Variants in PPM1B observed in about 807,000 individuals in gnomAD.
The protein encoded by PPM1B is protein phosphatase, Mg2+/Mn2+ dependent 1B, also known as protein phosphatase 1B.
In PPM1B, 22 loss-of-function variants were observed where a neutral mutation model predicts 43.0. The ratio of observed to expected loss-of-function variants is 0.51; its 90% CI spans 0.37 to 0.73. The LOEUF is 0.73. Among genes scored for constraint, PPM1B ranks in the 30% least tolerant of loss-of-function variants. The pLI is 0.00. For missense variants in PPM1B, 632 were observed against 584.2 expected (o/e 1.08, Z -0.84); for synonymous variants, 217 against 197.9 (o/e 1.10, Z -0.81).
downstream of PPM1B, among the ~76,000 whole-genome samples, chr2:44,245,760 C>T (rs1670843088): frequency 6.6e-6 from 1 of 152,136 alleles, no homozygotes; most frequent in Non-Finnish European, 1.5e-5. Flanking sequence ...AGAAACACTG[C>T]CTGTAACCAA....
chr2:44,240,440 C>G (rs777408339), intron 5 of PPM1B, among the ~76,000 whole-genome samples: 4 of 145,848 alleles, frequency 2.7e-5, no homozygotes, highest in Non-Finnish European at 4.6e-5. Flanking sequence ...AAATGGAAAA[C>G]TCTGTAATGA....
downstream of PPM1B, among the ~76,000 whole-genome samples, chr2:44,237,180 T>A (rs547366082): frequency 6.6e-6 from 1 of 152,370 alleles, no homozygotes; most frequent in African/African-American, 2.4e-5. Context: ...GTTTTTATGC[T>A]AAATTGCTTT....
chr2:44,178,635 A>T (rs1414732814), intron 1 of PPM1B, among the ~76,000 whole-genome samples: 1 of 151,454 alleles, frequency 6.6e-6, no homozygotes, highest in East Asian at 1.9e-4. Flanking sequence ...CACCCAGCTA[A>T]TTTTTTTGTA....
chr2:44,209,464 C>A (rs908511054), intron 3 of PPM1B, 137 bp downstream of exon 3: 2 of 948,430 alleles, frequency 2.1e-6, no homozygotes, highest in East Asian at 2.7e-5. Context: ...GGAAAGTATT[C>A]TTTTTGTTTA....
At chr2:44,223,655 A>T (rs1670075288) in intron 5 of PPM1B, among the ~76,000 whole-genome samples, 1 of 151,362 alleles carries the variant, frequency 6.6e-6, no homozygotes, top group Non-Finnish European at 1.5e-5. Context: ...TAAAAATACA[A>T]AAAAAACAAA....
chr2:44,229,365 A>G (rs1670368486), intron 5 of PPM1B, among the ~76,000 whole-genome samples: 1 of 152,208 alleles, frequency 6.6e-6, no homozygotes, highest in African/African-American at 2.4e-5. Context: ...TAGAGTGACT[A>G]TTGTAATTGT....
At chr2:44,211,049 C>G (rs1317893867) in intron 3 of PPM1B, among the ~76,000 whole-genome samples, 1 of 151,954 alleles carries the variant, frequency 6.6e-6, no homozygotes, top group Non-Finnish European at 1.5e-5. Flanking sequence ...GGCGGGAGAA[C>G]TGCTTGAACC....
chr2:44,173,268 A>T (rs1003199625), intron 1 of PPM1B, among the ~76,000 whole-genome samples: 5 of 152,258 alleles, frequency 3.3e-5, no homozygotes, highest in African/African-American at 9.6e-5. Flanking sequence ...AAAATTTTCC[A>T]AAAGTGTAAT....
In PPM1B at chr2:44,209,331, A is replaced by C. The variant is rs199990576; in HGVS notation, c.964+4A>C. 4.8e-4 allele frequency: 774 copies of C among 1,613,854 alleles called. 2 individuals carry two copies. In the Middle Eastern group the frequency reaches 7.3e-3, roughly 15 times the overall value. ...CACTTGGAATCACGGGTTGAAGGTAAGACAAATGCTTTTTAAAAATATAGA... is the reference window on the plus strand; with the variant it reads ...CACTTGGAATCACGGGTTGAAGGTACGACAAATGCTTTTTAAAAATATAGA... On this transcript the variant is annotated splice_donor_region_variant and intron_variant, in intron 3 of 5. Coordinates refer to ENST00000282412, the MANE Select transcript of PPM1B (RefSeq NM_002706.6).
chr2:44,191,160 T>C (rs1668386181), intron 1 of PPM1B, among the ~76,000 whole-genome samples: 1 of 152,228 alleles, frequency 6.6e-6, no homozygotes, highest in Admixed American at 6.5e-5. Flanking sequence ...TTAAATACTT[T>C]TGCCACATAT....
chr2:44,233,080 C>T (rs972676841), downstream of PPM1B: 1 of 982,150 alleles, frequency 1.0e-6, no homozygotes, highest in Non-Finnish European at 1.2e-6. Flanking sequence ...GCTTTGACAT[C>T]TCACTGTTGG....
chr2:44,208,868 A>G lies in PPM1B; in HGVS notation c.847-342A>G, dbSNP rs373494403. 2.0e-4 allele frequency among the ~76,000 whole-genome samples: 30 copies of G among 152,332 alleles called. No homozygotes were observed. In the East Asian group the frequency reaches 5.0e-3, roughly 25 times the overall value. On this transcript the variant is annotated intron_variant, in intron 2 of 5. Transcript: ENST00000282412. ...TTTGCATATGTGTTTGGGAGGATCC[A>G]TTGTGGACTTAAGCCAGTTTGGGAA...
chr2:44,234,268 C>T (rs1670548523), downstream of PPM1B: 1 of 949,774 alleles, frequency 1.1e-6, no homozygotes, highest in African/African-American at 1.8e-5. Context: ...CACCTGTAAT[C>T]CCAGCACTTT....
chr2:44,171,116 T>C (rs189264559), intron 1 of PPM1B, among the ~76,000 whole-genome samples: 263 of 152,342 alleles, frequency 1.7e-3, no homozygotes, highest in African/African-American at 6.0e-3. Context: ...TAGTACATTA[T>C]CCTCTGGATT....
chr2:44,219,575 T>A (rs924144504), intron 5 of PPM1B, among the ~76,000 whole-genome samples: 1 of 152,218 alleles, frequency 6.6e-6, no homozygotes. Context: ...TATATATTGC[T>A]AATTATAATT....
At chr2:44,170,754 G>A (rs552790333) in intron 1 of PPM1B, among the ~76,000 whole-genome samples, 61 of 152,330 alleles carry the variant, frequency 4.0e-4, no homozygotes, top group African/African-American at 1.4e-3. Context: ...TCTTTTCCAA[G>A]TGTACAGGCC....
At chr2:44,220,516 T>C (rs1435208970) in intron 5 of PPM1B, among the ~76,000 whole-genome samples, 1 of 152,216 alleles carries the variant, frequency 6.6e-6, no homozygotes, top group African/African-American at 2.4e-5. Context: ...GGGATATATG[T>C]ACTTAATTAC....
chr2:44,188,790 C>CCCTCCCCT (rs1668258139), intron 1 of PPM1B, among the ~76,000 whole-genome samples: 2 of 148,468 alleles, frequency 1.3e-5, no homozygotes, highest in Admixed American at 1.4e-4. Flanking sequence ...TTCCCTCCTT[C>CCCTCCCCT]CCTCCCCTTC....
In PPM1B at chr2:44,230,749, T is replaced by C; in HGVS notation, c.*31T>C. The C allele has an allele frequency of 6.3e-7, 1 of 1,592,342 alleles. No individual in the cohort carries two copies. The highest frequency in any genetic ancestry group is 8.6e-7 in the Non-Finnish European group (1 of 1,167,224). ...CTTTTTGGTAATATTTTTGTGATCTTTGATGGTTTTTAACCTAGGAAGTGT... is the reference window on the plus strand; with the variant it reads ...CTTTTTGGTAATATTTTTGTGATCTCTGATGGTTTTTAACCTAGGAAGTGT... On this transcript the variant is annotated 3_prime_UTR_variant, in exon 6 of 6. Transcript: ENST00000282412.
Sources: gnomAD v4.1 joint callset for allele counts (sites outside exome capture counted in the v4.1 genomes callset) on GRCh38, gnomAD v4.1.1 for gene constraint, MANE v1.5 for transcripts, NCBI Gene and HGNC (gene_info 2026-07-23, HGNC 2026-07-21) for gene names.